ACBD7: variants seen among roughly 807,000 people sequenced by gnomAD.
ACBD7 encodes acyl-CoA-binding domain-containing protein 7.
ACBD7 carries 11 observed loss-of-function variants against 13.7 expected under a neutral mutation model. The observed-to-expected ratio is 0.80, with a 90% CI of 0.50 to 1.33. ACBD7 has a LOEUF of 1.33. Ranked by LOEUF, ACBD7 falls within the 40% of genes most tolerant of loss-of-function variation. ACBD7 has a pLI of 0.00. For missense variants in ACBD7, 111 were observed against 103.0 expected (o/e 1.08, Z -0.33); for synonymous variants, 43 against 37.7 (o/e 1.14, Z -0.51).
At chr10:15,079,309 G>A (rs1035093329) in intron 1 of ACBD7, among the ~76,000 whole-genome samples, 25 of 130,050 alleles carry the variant, frequency 1.9e-4, no homozygotes, top group Non-Finnish European at 3.2e-4. Context: ...TGGCTCTCTC[G>A]CCCAGGCTGG....
At position 15,077,768 on chromosome 10, in the gene ACBD7, G is replaced by C. The variant is rs1182832982; in HGVS notation, c.*762C>G. On this transcript the variant is annotated 3_prime_UTR_variant, in exon 4 of 4. Coordinates refer to ENST00000356189, the MANE Select transcript of ACBD7 (RefSeq NM_001039844.3). ...AGCACCTGTAATCCCAGCTACTCGG[G>C]AGGCTGAGGCAAGAGAATCACTTGA... 1 of 152,210 alleles carries C rather than the reference G, an allele frequency of 6.6e-6. No individual in the cohort carries two copies. The highest frequency in any genetic ancestry group is 1.5e-5 in the Non-Finnish European group (1 of 68,130). 9.4% of individuals were successfully genotyped at this position (152,210 alleles called of 1,614,324 possible). A position where few individuals can be genotyped will look rare whatever the true frequency, so the allele number is the denominator to read the frequency against.
At chr10:15,086,248 A>C (rs1844806851) in intron 1 of ACBD7, among the ~76,000 whole-genome samples, 1 of 152,022 alleles carries the variant, frequency 6.6e-6, no homozygotes, top group African/African-American at 2.4e-5. Context: ...TGGAGGTTGC[A>C]GTGAGTCAAG....
intron 1 of ACBD7, among the ~76,000 whole-genome samples, chr10:15,084,902 G>A (rs189623890): frequency 2.0e-5 from 3 of 152,092 alleles, no homozygotes; most frequent in Admixed American, 1.3e-4. Context: ...AGTAGCCTCC[G>A]GTCCTTTTAT....
intron 1 of ACBD7, among the ~76,000 whole-genome samples, chr10:15,085,896 C>A (rs1844802716): frequency 6.6e-6 from 1 of 152,194 alleles, no homozygotes; most frequent in South Asian, 2.1e-4. Flanking sequence ...CCTCTCATTT[C>A]CACTCAGTGA....
chr10:15,078,932 T>G lies in ACBD7; in HGVS notation c.121A>C (p.Ile41Leu). The stretch of plus-strand genomic sequence containing the variant: ...TAATAATATATAATACCAATATTAA[T>G]GTCTCCAACTATTGCTTGTTTGTAA... ...GLYKQAIVGDINIACPGMLDL... is the reference protein window; with the variant it reads ...GLYKQAIVGDLNIACPGMLDL... The change falls in exon 2 of 4, where the codon ATT becomes CTT. Residue 41 changes from isoleucine to leucine, a missense_variant. Transcript: ENST00000356189. 6.5e-7 allele frequency: 1 copy of G among 1,530,856 alleles called. No homozygotes were observed. The highest frequency in any genetic ancestry group is 8.8e-7 in the Non-Finnish European group (1 of 1,132,118). The allele number at this position is 1,530,856 out of a possible 1,614,324, so 94.8% of individuals were successfully genotyped here.
At chr10:15,081,438 C>G (rs1161397183) in intron 1 of ACBD7, among the ~76,000 whole-genome samples, 3 of 152,192 alleles carry the variant, frequency 2.0e-5, no homozygotes, top group Non-Finnish European at 4.4e-5. Flanking sequence ...AGTAAATTTA[C>G]TGAGGCTCCA....
rs140440611 is a variant in ACBD7, at chr10:15,079,061, C to A, written c.13-21G>T. ...TCAGCCTAAAGGAAGAACAAACAAA[C>A]AAACAAAAGGAGCATTTTACCACCA... On this transcript the variant is annotated intron_variant, in intron 1 of 3. Coordinates refer to ENST00000356189, the MANE Select transcript of ACBD7 (RefSeq NM_001039844.3). 14 of 1,560,122 alleles carry A rather than the reference C, an allele frequency of 9.0e-6. No individual in the cohort carries two copies. In the African/African-American group the frequency reaches 1.6e-4, roughly 18 times the overall value.
rs1204397582 is a variant in ACBD7, at chr10:15,075,655, T to C, written c.*2875A>G. ...CTCCTCCCTGGCAACCACTATTCCATCCTTTGCGTCTATAAATGTTCCCTT... is the reference window on the plus strand; with the variant it reads ...CTCCTCCCTGGCAACCACTATTCCACCCTTTGCGTCTATAAATGTTCCCTT... On this transcript the variant is annotated 3_prime_UTR_variant, in exon 4 of 4. Coordinates refer to ENST00000356189, the MANE Select transcript of ACBD7 (RefSeq NM_001039844.3). Among the ~76,000 whole-genome samples the C allele has an allele frequency of 6.6e-6, 1 of 152,088 alleles. No homozygotes were observed. The highest frequency in any genetic ancestry group is 1.5e-5 in the Non-Finnish European group (1 of 68,002).
chr10:15,078,847 GTAAT>G, intron 2 of ACBD7, 72 bp downstream of exon 2: 2 of 1,296,774 alleles, frequency 1.5e-6, no homozygotes, highest in Non-Finnish European at 2.1e-6. Context: ...TATATTTTAA[GTAAT>G]TATATATTAT....
rs1349247113 is a variant in ACBD7, at chr10:15,076,233, T to G, written c.*2297A>C. ...TTTATCTTAAGGGATCTCAAACAAT[T>G]TTTTGAATTGTTAACATGAGACTGT... On this transcript the variant is annotated 3_prime_UTR_variant, in exon 4 of 4. Transcript: ENST00000356189. 2.0e-6 allele frequency: 2 copies of G among 985,168 alleles called. No individual in the cohort carries two copies. Among genetic ancestry groups the G allele is most frequent in the Non-Finnish European group, 2.4e-6 (2 of 829,928 alleles). 61.0% of individuals were successfully genotyped at this position (985,168 alleles called of 1,614,324 possible). A position where few individuals can be genotyped will look rare whatever the true frequency, so the allele number is the denominator to read the frequency against.
In ACBD7 at chr10:15,076,169, T is replaced by G; in HGVS notation, c.*2361A>C. 2.0e-6 allele frequency: 2 copies of G among 985,280 alleles called. No homozygotes were observed. Among genetic ancestry groups the G allele is most frequent in the Non-Finnish European group, 2.4e-6 (2 of 829,886 alleles). 61.0% of individuals were successfully genotyped at this position (985,280 alleles called of 1,614,324 possible). On this transcript the variant is annotated 3_prime_UTR_variant, in exon 4 of 4. Coordinates refer to ENST00000356189, the MANE Select transcript of ACBD7 (RefSeq NM_001039844.3). ...TGGTCATACCATTCCAAATCTAAAT[T>G]TTTATGCAGGGAATAGAGGTACACT...
rs1844717194 is a variant in ACBD7 at position 15,079,043 on chromosome 10, A to G, written c.13-3T>C. 1 of 1,600,176 alleles carries G rather than the reference A, an allele frequency of 6.2e-7. No homozygotes were observed. The highest frequency in any genetic ancestry group is 8.5e-7 in the Non-Finnish European group (1 of 1,171,948). ...TCTGCAGCCCTGTCAAAATCAGCCT[A>G]AAGGAAGAACAAACAAACAAACAAA... On this transcript the variant is annotated splice_polypyrimidine_tract_variant and splice_region_variant and intron_variant, in intron 1 of 3. Coordinates refer to ENST00000356189, the MANE Select transcript of ACBD7 (RefSeq NM_001039844.3).
At chr10:15,080,306 G>A (rs548660288) in intron 1 of ACBD7, among the ~76,000 whole-genome samples, 1 of 152,158 alleles carries the variant, frequency 6.6e-6, no homozygotes, top group East Asian at 1.9e-4. Context: ...TAAGCCTGGT[G>A]TGGTGGCTCA....
In ACBD7 at chr10:15,088,571, G is replaced by C. The variant is rs1039792190; in HGVS notation, c.12+146C>G. 1.6e-5 allele frequency: 18 copies of C among 1,152,722 alleles called. No individual in the cohort carries two copies. In the African/African-American group the frequency reaches 2.1e-4, roughly 13 times the overall value. The allele number at this position is 1,152,722 out of a possible 1,614,324, so 71.4% of individuals were successfully genotyped here. On this transcript the variant is annotated intron_variant, in intron 1 of 3. Coordinates refer to ENST00000356189, the MANE Select transcript of ACBD7 (RefSeq NM_001039844.3). ...AGCAGGCACAGGTGCGGTCTACACT[G>C]CCATCTGGGGCGCTGGGGAAGGAGT...
Position 15,076,905 on chromosome 10 carries a change from C to T in ACBD7, c.*1625G>A, listed in dbSNP as rs1020303872. The stretch of plus-strand genomic sequence containing the variant: ...GAACAAACAGCTGTTCAAATCTGTA[C>T]ACATATTACCAGGGCTAGACTTTCT... On this transcript the variant is annotated 3_prime_UTR_variant, in exon 4 of 4. Coordinates refer to ENST00000356189, the MANE Select transcript of ACBD7 (RefSeq NM_001039844.3). The T allele has an allele frequency of 5.1e-6, 5 of 985,230 alleles. No individual in the cohort carries two copies. In the African/African-American group the frequency reaches 5.2e-5, roughly 10 times the overall value. The allele number at this position is 985,230 out of a possible 1,614,324, so 61.0% of individuals were successfully genotyped here.
At position 15,078,718 on chromosome 10, in the gene ACBD7, T is replaced by G; in HGVS notation, c.166A>C (p.Lys56Gln). 6.2e-7 allele frequency: 1 copy of G among 1,614,078 alleles called. No homozygotes were observed. ...PGMLDLKGKAKWEAWNLKKGL... is the reference protein window; with the variant it reads ...PGMLDLKGKAQWEAWNLKKGL... ...TTTTTGAGGTTCCATGCTTCCCATT[T>G]GGCTTTGCCTTTTAAATCTAGCATT... is the stretch of plus-strand genomic sequence containing the variant. Residue 56 changes from lysine to glutamine, a missense_variant, in exon 3 of 4, where the codon AAA (lysine) becomes CAA (glutamine). Coordinates refer to ENST00000356189, the MANE Select transcript of ACBD7 (RefSeq NM_001039844.3).
rs748891815 is a variant in ACBD7, at chr10:15,078,748, G to A, written c.136C>T (p.Pro46Ser). The change falls in exon 3 of 4, where the codon CCA becomes TCA. Residue 46 changes from proline (P) to serine (S), a missense_variant. Pro to Ser is a moderately conservative substitution (Grantham distance 74, BLOSUM62 -1). Coordinates refer to ENST00000356189, the MANE Select transcript of ACBD7 (RefSeq NM_001039844.3). ...TTGCCTTTTAAATCTAGCATTCCTG[G>A]ACACGCTGGCAAAAGAAGGAGACAT... ...AIVGDINIAC[P>S]GMLDLKGKAK... 94 of 1,613,684 alleles carry A rather than the reference G, an allele frequency of 5.8e-5. No homozygotes were observed. Among genetic ancestry groups the A allele is most frequent in the Non-Finnish European group, 7.9e-5 (93 of 1,179,882 alleles).
intron 1 of ACBD7, 75 bp downstream of exon 1, chr10:15,088,642 G>A: frequency 1.3e-6 from 2 of 1,558,310 alleles, no homozygotes; most frequent in Non-Finnish European, 1.7e-6. Flanking sequence ...GGGGCGCCAA[G>A]CCCACCCGGA....
chr10:15,088,680 G>C (rs1194095997), intron 1 of ACBD7, 37 bp downstream of exon 1: 2 of 1,591,980 alleles, frequency 1.3e-6, no homozygotes, highest in Admixed American at 3.4e-5. Context: ...CCCTCGCGGA[G>C]CGCCCCTCCC....
Sources: gnomAD v4.1 joint callset for allele counts (sites outside exome capture counted in the v4.1 genomes callset) on GRCh38, gnomAD v4.1.1 for gene constraint, MANE v1.5 for transcripts, NCBI Gene and HGNC (gene_info 2026-07-23, HGNC 2026-07-21) for gene names.